The following TNIK variants were observed in gnomAD, a reference collection of about 807,000 sequenced individuals.
TNIK encodes the protein TRAF2 and NCK-interacting protein kinase.
A neutral mutation model predicts 191.3 loss-of-function variants in TNIK; 49 were observed. That is an observed-to-expected ratio of 0.26 (90% confidence interval 0.20 to 0.32). The LOEUF (loss-of-function observed/expected upper bound fraction) is 0.32, where lower values mean the gene tolerates loss of function less well. Among genes scored for constraint, TNIK ranks in the 10% least tolerant of loss-of-function variants. The pLI is 1.00. For missense variants in TNIK, 1,155 were observed against 1,702.3 expected, an observed-to-expected ratio of 0.68 and a Z score of 5.66; for synonymous variants, 594 against 600.9, an observed-to-expected ratio of 0.99 and a Z score of 0.17.
At chr3:171,094,824 C>T (rs1398729079) in intron 22 of TNIK, among the ~76,000 whole-genome samples, 1 of 152,164 alleles carries the variant, frequency 6.6e-6, no homozygotes, top group Non-Finnish European at 1.5e-5. Flanking sequence ...TAGTTCTCAT[C>T]ACAATTTGCA....
chr3:171,327,931 A>AAAAAAAAAAAAAAAAAAG (rs1755982499), intron 2 of TNIK, among the ~76,000 whole-genome samples: 1 of 132,556 alleles, frequency 7.5e-6, no homozygotes, highest in Non-Finnish European at 1.6e-5. Flanking sequence ...AAAAAAAAAA[A>AAAAAAAAAAAAAAAAAAG]TCACTTGTTT....
chr3:171,416,452 GA>G (rs1215211496), intron 1 of TNIK, among the ~76,000 whole-genome samples: 1 of 151,694 alleles, frequency 6.6e-6, no homozygotes, highest in Non-Finnish European at 1.5e-5. Context: ...ACTAGATTAA[GA>G]AAAAAAGACT....
chr3:171,195,347 G>C (rs1302527858), intron 4 of TNIK, among the ~76,000 whole-genome samples: 3 of 152,050 alleles, frequency 2.0e-5, no homozygotes, highest in Non-Finnish European at 4.4e-5. Flanking sequence ...CATTTTCTAG[G>C]CTTAGAAAAA....
At position 171,302,574 on chromosome 3, in the gene TNIK, T is replaced by TC. The variant is rs200638184; in HGVS notation, c.123+67045_123+67046insG. Among the ~76,000 whole-genome samples, 211 of 152,296 alleles carry TC rather than the reference T, an allele frequency of 1.4e-3. 4 individuals carry two copies. The East Asian group carries it at 0.032, about 23-fold the overall frequency. ...TTGGCTCCAATGGGAACCCGAACATTAGACTTTAAAATTTTCTTTTGAATT... is the reference window on the plus strand; with the variant it reads ...TTGGCTCCAATGGGAACCCGAACATTCAGACTTTAAAATTTTCTTTTGAATT... On this transcript the variant is annotated intron_variant, in intron 2 of 32. Transcript: ENST00000436636.
intron 1 of TNIK, among the ~76,000 whole-genome samples, chr3:171,399,800 T>TA: frequency 6.6e-6 from 1 of 152,214 alleles, no homozygotes; most frequent in Middle Eastern, 3.4e-3. Context: ...AGTGACATTA[T>TA]AGTGATAAAA....
At chr3:171,340,636 A>G (rs1757419377) in intron 2 of TNIK, among the ~76,000 whole-genome samples, 1 of 152,180 alleles carries the variant, frequency 6.6e-6, no homozygotes, top group Non-Finnish European at 1.5e-5. Flanking sequence ...GCTACCTATC[A>G]GCTAGCTTTC....
At chr3:171,421,539 G>A (rs1723796271) in intron 1 of TNIK, among the ~76,000 whole-genome samples, 1 of 152,070 alleles carries the variant, frequency 6.6e-6, no homozygotes, top group African/African-American at 2.4e-5. Flanking sequence ...GCCTGTGGTT[G>A]TACACTGTAG....
intron 2 of TNIK, among the ~76,000 whole-genome samples, chr3:171,315,544 C>A (rs13083726): frequency 0.072 from 10,948 of 152,060 alleles, 754 homozygotes; most frequent in African/African-American, 0.18. Flanking sequence ...ACAAACTGGG[C>A]GGCCTAAAAT....
intron 2 of TNIK, among the ~76,000 whole-genome samples, chr3:171,305,533 C>A (rs1753361157): frequency 6.6e-6 from 1 of 152,040 alleles, no homozygotes; most frequent in Non-Finnish European, 1.5e-5. Context: ...CACAAACAAT[C>A]CCATTAAAAA....
intron 2 of TNIK, among the ~76,000 whole-genome samples, chr3:171,299,028 G>C (rs1474337037): frequency 2.6e-5 from 4 of 152,126 alleles, no homozygotes; most frequent in Non-Finnish European, 4.4e-5. Flanking sequence ...GGGATGCCCT[G>C]AAATTCCTCC....
intron 2 of TNIK, among the ~76,000 whole-genome samples, chr3:171,242,051 A>G (rs1745056300): frequency 1.3e-5 from 2 of 151,926 alleles, no homozygotes; most frequent in Non-Finnish European, 2.9e-5. Context: ...GCATTAGGAG[A>G]TACACCTAAT....
At chr3:171,192,437 A>G (rs1168907726) in intron 5 of TNIK, among the ~76,000 whole-genome samples, 23 of 152,208 alleles carry the variant, frequency 1.5e-4, no homozygotes, top group Admixed American at 1.5e-3. Flanking sequence ...GGGTGATCAA[A>G]TGTCTCTTCC....
At chr3:171,204,216 C>T (rs1486157186) in intron 4 of TNIK, among the ~76,000 whole-genome samples, 2 of 151,988 alleles carry the variant, frequency 1.3e-5, no homozygotes, top group African/African-American at 4.8e-5. Context: ...TTTTGATTTC[C>T]GGATCAGACC....
intron 1 of TNIK, among the ~76,000 whole-genome samples, chr3:171,428,963 G>A (rs552269527): frequency 1.3e-5 from 2 of 152,198 alleles, no homozygotes; most frequent in South Asian, 4.2e-4. Context: ...TGTTTATAGG[G>A]TCTCTAGCAC....
At chr3:171,139,608 T>A in intron 13 of TNIK, 52 bp from the exon 14 acceptor site, 1 of 1,585,444 alleles carries the variant, frequency 6.3e-7, no homozygotes, top group Non-Finnish European at 8.7e-7. Context: ...AAGAGAGAAA[T>A]GAACCAGTAA....
intron 1 of TNIK, among the ~76,000 whole-genome samples, chr3:171,407,512 A>C (rs952815521): frequency 1.2e-4 from 18 of 152,164 alleles, no homozygotes; most frequent in African/African-American, 4.3e-4. Context: ...AGCTCTTTAA[A>C]CAGACTGAGG....
chr3:171,229,331 C>T (rs967277688), intron 2 of TNIK, among the ~76,000 whole-genome samples: 1 of 152,254 alleles, frequency 6.6e-6, no homozygotes, highest in Non-Finnish European at 1.5e-5. Context: ...CATGTCTCAT[C>T]GATGTATTTC....
intron 2 of TNIK, among the ~76,000 whole-genome samples, chr3:171,295,903 C>T (rs1018252155): frequency 3.3e-5 from 5 of 152,166 alleles, no homozygotes; most frequent in Admixed American, 3.3e-4. Context: ...TCTTTGACGC[C>T]CACAGATCAC....
intron 2 of TNIK, among the ~76,000 whole-genome samples, chr3:171,346,280 T>G (rs73171596): frequency 0.071 from 10,788 of 152,254 alleles, 471 homozygotes; most frequent in South Asian, 0.13. Flanking sequence ...GTCTCTACAC[T>G]GATTTTATGA....
Sources: allele counts gnomAD v4.1 joint callset (sites outside exome capture counted in the v4.1 genomes callset), GRCh38; gene constraint gnomAD v4.1.1; transcripts MANE v1.5; gene names NCBI Gene and HGNC (gene_info 2026-07-23, HGNC 2026-07-21).